C2CD2L: variants seen among roughly 807,000 people sequenced by gnomAD.
C2CD2L encodes phospholipid transfer protein C2CD2L.
In C2CD2L, 24 loss-of-function variants were observed where a neutral mutation model predicts 69.9. The ratio of observed to expected loss-of-function variants is 0.34; its 90% CI spans 0.25 to 0.48. The LOEUF (loss-of-function observed/expected upper bound fraction) is 0.48. C2CD2L is among the 20% of genes least tolerant of loss of function. The pLI is 0.99. For synonymous variants in C2CD2L, 367 were observed against 391.0 expected (o/e 0.94, Z 0.72); for missense variants, 811 against 941.5 (o/e 0.86, Z 1.81).
At position 119,114,606 on chromosome 11, in the gene C2CD2L, CCTGAGT is replaced by C; in HGVS notation, c.1909+244_1909+249del. The C allele has an allele frequency of 1.8e-6, 1 of 545,866 alleles. No individual in the cohort carries two copies. The highest frequency in any genetic ancestry group is 3.3e-6 in the Non-Finnish European group (1 of 306,474). 33.8% of individuals were successfully genotyped at this position (545,866 alleles called of 1,614,324 possible). A position where few individuals can be genotyped will look rare whatever the true frequency, so the allele number is the denominator to read the frequency against. ...CCCTTTACCTCCATTGTTCTTTCTT[CCTGAGT>C]CTAAGTGCCATTTTTCCTGCCCTTT... On this transcript the variant is annotated intron_variant, in intron 13 of 13. Coordinates refer to ENST00000648610, the MANE Select transcript of C2CD2L (RefSeq NM_001290474.2). This position sits in a 1 kb window ranked among gnomAD's most constrained non-coding sequence, Gnocchi z 5.1.
upstream of C2CD2L, among the ~76,000 whole-genome samples, chr11:119,102,553 A>G (rs989111732): frequency 1.3e-5 from 2 of 151,970 alleles, no homozygotes; most frequent in South Asian, 2.1e-4. Flanking sequence ...TTGCCCGGCA[A>G]CCCAGCGCAG....
chr11:119,111,232 T>A, intron 5 of C2CD2L, 31 bp from the exon 6 acceptor site: 2 of 1,612,484 alleles, frequency 1.2e-6, no homozygotes, highest in Non-Finnish European at 1.7e-6. Context: ...ATGTCAGGAT[T>A]CTTGCTCTTT....
chr11:119,115,680 G>T, intron 13 of C2CD2L: 1 of 381,668 alleles, frequency 2.6e-6, no homozygotes, highest in Non-Finnish European at 4.7e-6. Flanking sequence ...GTACCTTCTG[G>T]TAGCTTTTGT....
At chr11:119,115,961 C>A in intron 13 of C2CD2L, 84 bp from the exon 14 acceptor site, 1 of 1,115,586 alleles carries the variant, frequency 9.0e-7, no homozygotes, top group Non-Finnish European at 1.3e-6. Context: ...CATCCTCTTT[C>A]CCTCCATTCT....
At position 119,111,553 on chromosome 11, in the gene C2CD2L, G is replaced by T. The variant is rs150066907; in HGVS notation, c.943G>T (p.Asp315Tyr). 7 of 1,614,146 alleles carry T rather than the reference G, an allele frequency of 4.3e-6. No individual in the cohort carries two copies. In the South Asian group the frequency reaches 7.7e-5, roughly 18 times the overall value. ...TEELCCVAEL[D>Y]NPMQQKWTKP... ...GGAACTGTGCTGTGTAGCTGAACTC[G>T]ACAACCCCATGCAGCAGAAGTGGAC... Residue 315 changes from aspartate to tyrosine, a missense_variant, in exon 7 of 14, where the codon GAC becomes TAC. Coordinates refer to ENST00000648610, the MANE Select transcript of C2CD2L (RefSeq NM_001290474.2).
chr11:119,102,780 C>T (rs1283270632), upstream of C2CD2L, among the ~76,000 whole-genome samples: 2 of 150,236 alleles, frequency 1.3e-5, no homozygotes, highest in South Asian at 4.2e-4. Flanking sequence ...TCCTGTAGGT[C>T]ACTGTGCATT....
rs1174319497 is a variant in C2CD2L at position 119,115,889 on chromosome 11, T to C, written c.1910-156T>C. On this transcript the variant is annotated intron_variant, in intron 13 of 13. Transcript: ENST00000648610. ...TTTTTCACGAAGCCTTATGGAGAAG[T>C]ATGTTTCTGCTTTCTTTCCTGAGGA... 6 of 612,592 alleles carry C rather than the reference T, an allele frequency of 9.8e-6. No homozygotes were observed. In the Admixed American group the frequency reaches 1.8e-4, roughly 18 times the overall value. The allele number at this position is 612,592 out of a possible 1,614,324, so 37.9% of individuals were successfully genotyped here. A position where few individuals can be genotyped will look rare whatever the true frequency, so the allele number is the denominator to read the frequency against.
chr11:119,108,942 G>A (rs779191681), intron 1 of C2CD2L, among the ~76,000 whole-genome samples: 3 of 152,156 alleles, frequency 2.0e-5, no homozygotes, highest in Non-Finnish European at 4.4e-5. Context: ...CCCAGATGCC[G>A]GAAACAGAAA....
rs900806607 is a variant in C2CD2L, at chr11:119,116,197, A to G, written c.2062A>G (p.Lys688Glu). The change falls in exon 14 of 14, where the codon AAG (lysine) becomes GAG (glutamate). Residue 688 changes from lysine (K) to glutamate (E), a missense_variant. By Grantham distance (56) the Lys-to-Glu change is moderately conservative. Coordinates refer to ENST00000648610, the MANE Select transcript of C2CD2L (RefSeq NM_001290474.2). ...KAGSFSRRLI[K>E]RFSFKSKPKA... ...CGGCAGCTTTTCTCGCCGCCTTATCAAGCGCTTTTCCTTCAAATCCAAACC... is the reference window on the plus strand; with the variant it reads ...CGGCAGCTTTTCTCGCCGCCTTATCGAGCGCTTTTCCTTCAAATCCAAACC... 6.2e-7 allele frequency: 1 copy of G among 1,614,096 alleles called. No individual in the cohort carries two copies. Among genetic ancestry groups the G allele is most frequent in the African/African-American group, 1.3e-5 (1 of 74,926 alleles).
At chr11:119,115,888 GT>G (rs1364518695) in intron 13 of C2CD2L, 156 bp from the exon 14 acceptor site, 105 of 612,496 alleles carry the variant, frequency 1.7e-4, no homozygotes, top group Admixed American at 5.0e-4. Flanking sequence ...TTATGGAGAA[GT>G]ATGTTTCTGC....
Position 119,107,594 on chromosome 11 carries a change from G to C in C2CD2L, c.-148G>C, listed in dbSNP as rs1946619308. ...TCTCCTCGCCCTGTGGCACCCACTA[G>C]TCCTGGGCACTCAGCCGCGGAGAGC... On this transcript the variant is annotated 5_prime_UTR_variant, in exon 1 of 14. Coordinates refer to ENST00000648610, the MANE Select transcript of C2CD2L (RefSeq NM_001290474.2). This position sits in a 1 kb window ranked among gnomAD's most constrained non-coding sequence, Gnocchi z 5.4. 3 of 459,926 alleles carry C rather than the reference G, an allele frequency of 6.5e-6. 1 individual carries two copies. In the East Asian group the frequency reaches 1.1e-4, roughly 17 times the overall value. The allele number at this position is 459,926 out of a possible 1,614,324, so 28.5% of individuals were successfully genotyped here.
chr11:119,107,748 C>A lies in C2CD2L; in HGVS notation c.7C>A (p.Pro3Thr). Residue 3 changes from proline to threonine, a missense_variant, in exon 1 of 14, where the codon CCG becomes ACG. By Grantham distance (38) the Pro-to-Thr change is conservative. Coordinates refer to ENST00000648610, the MANE Select transcript of C2CD2L (RefSeq NM_001290474.2). The surrounding 1 kb of genome is among the most constrained non-coding windows in gnomAD (Gnocchi z 5.4). ...ATCGGAGCCCGCGCGGAGCATGGATCCGGGCTGGGGGCAGCGGGACGTGGG... is the reference window on the plus strand; with the variant it reads ...ATCGGAGCCCGCGCGGAGCATGGATACGGGCTGGGGGCAGCGGGACGTGGG... MD[P>T]GWGQRDVGWA... The A allele has an allele frequency of 1.3e-6, 2 of 1,518,534 alleles. No homozygotes were observed. Among genetic ancestry groups the A allele is most frequent in the Non-Finnish European group, 1.7e-6 (2 of 1,146,178 alleles). The allele number at this position is 1,518,534 out of a possible 1,614,324, so 94.1% of individuals were successfully genotyped here.
At chr11:119,112,071 C>T (rs942833344) in intron 7 of C2CD2L, 11 of 521,520 alleles carry the variant, frequency 2.1e-5, no homozygotes, top group Non-Finnish European at 3.1e-5. Context: ...GGGTGGCTTG[C>T]AACTGAGAGA....
chr11:119,112,843 C>A lies in C2CD2L; in HGVS notation c.1356C>A (p.Val452=). ...CCATTGTCACCACAGTCACCACTGT[C>A]CAGTCCCGGCCCCGTATAGACGGCA... ...DGTIVTTVTT[V]QSRPRIDGKL... Residue 452 remains valine (V), a synonymous_variant, in exon 10 of 14, where the codon GTC becomes GTA. Transcript: ENST00000648610. 6.2e-7 allele frequency: 1 copy of A among 1,614,054 alleles called. No individual in the cohort carries two copies. Among genetic ancestry groups the A allele is most frequent in the Non-Finnish European group, 8.5e-7 (1 of 1,179,952 alleles).
At position 119,112,860 on chromosome 11, in the gene C2CD2L, T is replaced by C. The variant is rs938118394; in HGVS notation, c.1373T>C (p.Ile458Thr). The change falls in exon 10 of 14, where the codon ATA becomes ACA. Residue 458 changes from isoleucine (I) to threonine (T), a missense_variant. Coordinates refer to ENST00000648610, the MANE Select transcript of C2CD2L (RefSeq NM_001290474.2). Reference protein sequence around the residue: ...TVTTVQSRPRIDGKLDSPSRS... With the variant: ...TVTTVQSRPRTDGKLDSPSRS... ...ACCACTGTCCAGTCCCGGCCCCGTATAGACGGCAAATTAGGTAAAGAGAAG... is the reference window on the plus strand; with the variant it reads ...ACCACTGTCCAGTCCCGGCCCCGTACAGACGGCAAATTAGGTAAAGAGAAG... 1.9e-6 allele frequency: 3 copies of C among 1,613,618 alleles called. No homozygotes were observed. Among genetic ancestry groups the C allele is most frequent in the Non-Finnish European group, 2.5e-6 (3 of 1,179,800 alleles).
At position 119,109,154 on chromosome 11, in the gene C2CD2L, G is replaced by A. The variant is rs573087965; in HGVS notation, c.355-950G>A. Among the ~76,000 whole-genome samples the A allele has an allele frequency of 6.6e-6, 1 of 152,312 alleles. No homozygotes were observed. The highest frequency in any genetic ancestry group is 6.5e-5 in the Admixed American group (1 of 15,298). On this transcript the variant is annotated intron_variant, in intron 1 of 13. Transcript: ENST00000648610. The surrounding 1 kb of genome is among the most constrained non-coding windows in gnomAD (Gnocchi z 5.1). Reference sequence around the variant, plus strand: ...GAGGGTGGGGAGATTGAGGTTTCAAGCATCCATCTCCCCATCTTCCTTGGC... The same window carrying A: ...GAGGGTGGGGAGATTGAGGTTTCAAACATCCATCTCCCCATCTTCCTTGGC...
At position 119,108,319 on chromosome 11, in the gene C2CD2L, C is replaced by T. The variant is rs903214575; in HGVS notation, c.354+224C>T. 3 of 495,330 alleles carry T rather than the reference C, an allele frequency of 6.1e-6. No homozygotes were observed. The African/African-American group carries it at 6.1e-5, about 10-fold the overall frequency. The allele number at this position is 495,330 out of a possible 1,614,324, so 30.7% of individuals were successfully genotyped here. ...TTCTGTGGGCAAGGTACTCTGGTTC[C>T]AAACCCATGCACAAGTTGCTGTTCT... On this transcript the variant is annotated intron_variant, in intron 1 of 13. Transcript: ENST00000648610.
At position 119,113,642 on chromosome 11, in the gene C2CD2L, G is replaced by T; in HGVS notation, c.1419G>T (p.Glu473Asp). The change falls in exon 11 of 14, where the codon GAG (glutamate) becomes GAT (aspartate). Residue 473 changes from glutamate (E) to aspartate (D), a missense_variant. Coordinates refer to ENST00000648610, the MANE Select transcript of C2CD2L (RefSeq NM_001290474.2). ...DSPSRSPSKVEVTEKTTTVLS... is the reference protein window; with the variant it reads ...DSPSRSPSKVDVTEKTTTVLS... ...CCTCCCGCTCCCCGTCCAAGGTGGA[G>T]GTGACCGAGAAGACGACAACTGTGC... The T allele has an allele frequency of 6.2e-7, 1 of 1,613,826 alleles. No homozygotes were observed. The highest frequency in any genetic ancestry group is 8.5e-7 in the Non-Finnish European group (1 of 1,179,918).
chr11:119,111,233 C>T, intron 5 of C2CD2L, 30 bp from the exon 6 acceptor site: 13 of 1,612,446 alleles, frequency 8.1e-6, no homozygotes, highest in Non-Finnish European at 1.1e-5. Context: ...TGTCAGGATT[C>T]TTGCTCTTTG....
Sources: allele counts gnomAD v4.1 joint callset (sites outside exome capture counted in the v4.1 genomes callset), GRCh38; gene constraint gnomAD v4.1.1; non-coding constraint Gnocchi (gnomAD v3.1); transcripts MANE v1.5; gene names NCBI Gene and HGNC (gene_info 2026-07-23, HGNC 2026-07-21).